The following FBXO32 variants were observed in gnomAD, a reference collection of about 807,000 sequenced individuals.
The protein encoded by FBXO32 is F-box protein 32.
Under a neutral mutation model 48.3 loss-of-function variants are expected in FBXO32, and 15 were observed. The ratio of observed to expected loss-of-function variants is 0.31; its 90% CI spans 0.21 to 0.48. The LOEUF (loss-of-function observed/expected upper bound fraction) is 0.48. FBXO32 is among the 20% of genes least tolerant of loss of function. The probability of loss-of-function intolerance (pLI) is 0.99; values close to 1 mark genes in which losing one functional copy is unlikely to be tolerated. For synonymous variants in FBXO32, 154 were observed against 165.9 expected (o/e 0.93, Z 0.55); for missense variants, 309 against 432.7 (o/e 0.71, Z 2.54).
rs1424340031 is a variant in FBXO32 at position 123,499,237 on chromosome 8, G to A, written c.*4136C>T. The A allele has an allele frequency of 1.3e-5, 2 of 152,172 alleles. No individual in the cohort carries two copies. Among genetic ancestry groups the A allele is most frequent in the Non-Finnish European group, 2.9e-5 (2 of 68,028 alleles). The allele number at this position is 152,172 out of a possible 1,614,324, so 9.4% of individuals were successfully genotyped here. Reference sequence around the variant, plus strand: ...TCCATTCTTTGGAAAACCAAAGATGGTTACTCTTCTTAATGAAACTGAGAA... The same window carrying A: ...TCCATTCTTTGGAAAACCAAAGATGATTACTCTTCTTAATGAAACTGAGAA... On this transcript the variant is annotated 3_prime_UTR_variant, in exon 9 of 9. Coordinates refer to ENST00000517956, the MANE Select transcript of FBXO32 (RefSeq NM_058229.4).
intron 4 of FBXO32, among the ~76,000 whole-genome samples, chr8:123,528,037 G>A (rs1817123251): frequency 6.6e-6 from 1 of 152,186 alleles, no homozygotes; most frequent in Non-Finnish European, 1.5e-5. Context: ...GGGCTCCAAA[G>A]CAGTTTCTGA....
Position 123,501,689 on chromosome 8 carries a change from G to A in FBXO32, c.*1684C>T, listed in dbSNP as rs916027739. The A allele has an allele frequency of 5.3e-5, 8 of 152,070 alleles. No homozygotes were observed. The highest frequency in any genetic ancestry group is 1.7e-4 in the African/African-American group (7 of 41,356). 9.4% of individuals were successfully genotyped at this position (152,070 alleles called of 1,614,324 possible). On this transcript the variant is annotated 3_prime_UTR_variant, in exon 9 of 9. Coordinates refer to ENST00000517956, the MANE Select transcript of FBXO32 (RefSeq NM_058229.4). ...TGTATCATAGCTTGTCTCTTGCCTCGTTTCTCTCCATGCTTAGCCATCTTT... is the reference window on the plus strand; with the variant it reads ...TGTATCATAGCTTGTCTCTTGCCTCATTTCTCTCCATGCTTAGCCATCTTT...
intron 2 of FBXO32, 69 bp from the exon 3 acceptor site, chr8:123,533,309 C>T (rs1322312677): frequency 9.3e-6 from 12 of 1,289,382 alleles, no homozygotes; most frequent in Admixed American, 7.6e-5. Flanking sequence ...CATTTCATTT[C>T]ATTTATTCCA....
rs1158356277 is a variant in FBXO32, at chr8:123,513,163, C to T, written c.651+35G>A. ...CTGTCCAGTATCCCTGTGGAGGGACCCACTGCCGGGAGGAGGCTGGGCCTG... is the reference window on the plus strand; with the variant it reads ...CTGTCCAGTATCCCTGTGGAGGGACTCACTGCCGGGAGGAGGCTGGGCCTG... On this transcript the variant is annotated intron_variant, in intron 6 of 8. Coordinates refer to ENST00000517956, the MANE Select transcript of FBXO32 (RefSeq NM_058229.4). This position sits in a 1 kb window ranked among gnomAD's most constrained non-coding sequence, Gnocchi z 4.3. 6.2e-7 allele frequency: 1 copy of T among 1,610,250 alleles called. No homozygotes were observed. Among genetic ancestry groups the T allele is most frequent in the East Asian group, 2.2e-5 (1 of 44,852 alleles).
intron 3 of FBXO32, 56 bp from the exon 4 acceptor site, chr8:123,532,046 G>GT (rs1033029269): frequency 5.6e-6 from 9 of 1,606,950 alleles, no homozygotes; most frequent in Non-Finnish European, 7.6e-6. Flanking sequence ...GGTCACCCAA[G>GT]TAAGAATGAG....
chr8:123,529,654 T>C (rs1563925956), intron 4 of FBXO32, among the ~76,000 whole-genome samples: 1 of 152,198 alleles, frequency 6.6e-6, no homozygotes, highest in African/African-American at 2.4e-5. Flanking sequence ...ACTGCCCAGA[T>C]TTCAAGTCTT....
chr8:123,525,986 C>T lies in FBXO32; in HGVS notation c.372+5912G>A, dbSNP rs1371512385. ...GATAATATAGCCTCACACTCAAAGC[C>T]TCTTCTCAAGTCTGTCCAATGTCCT... On this transcript the variant is annotated intron_variant, in intron 4 of 8. Transcript: ENST00000517956. The surrounding 1 kb of genome is among the most constrained non-coding windows in gnomAD (Gnocchi z 4.3). 6.6e-6 allele frequency among the ~76,000 whole-genome samples: 1 copy of T among 151,994 alleles called. No individual in the cohort carries two copies. The highest frequency in any genetic ancestry group is 2.4e-5 in the African/African-American group (1 of 41,372).
rs548077194 is a variant in FBXO32, at chr8:123,528,435, C to T, written c.372+3463G>A. Among the ~76,000 whole-genome samples the T allele has an allele frequency of 5.5e-4, 84 of 152,304 alleles. 1 individual carries two copies. The highest frequency in any genetic ancestry group is 2.9e-3 in the Admixed American group (44 of 15,304). Reference sequence around the variant, plus strand: ...AAGGGAATTTCCAAAATGTGTTGGTCTTGAGGTATAGGGTAAACTATGTTT... The same window carrying T: ...AAGGGAATTTCCAAAATGTGTTGGTTTTGAGGTATAGGGTAAACTATGTTT... On this transcript the variant is annotated intron_variant, in intron 4 of 8. Transcript: ENST00000517956.
intron 2 of FBXO32, among the ~76,000 whole-genome samples, chr8:123,534,122 C>CAAAA (rs74355915): frequency 8.3e-5 from 11 of 132,694 alleles, no homozygotes; most frequent in African/African-American, 2.2e-4. Context: ...CAAAAAACAC[C>CAAAA]AAAAAAAAAA....
intron 4 of FBXO32, among the ~76,000 whole-genome samples, chr8:123,515,709 A>G (rs1208602590): frequency 6.6e-6 from 1 of 150,744 alleles, no homozygotes; most frequent in East Asian, 1.9e-4. Flanking sequence ...AAAAACAAAT[A>G]AAGGCCAGGT....
chr8:123,527,589 G>A (rs189253271), intron 4 of FBXO32, among the ~76,000 whole-genome samples: 7 of 152,206 alleles, frequency 4.6e-5, no homozygotes, highest in Non-Finnish European at 1.0e-4. Context: ...TTGCAAATAG[G>A]CTAATCTCTG....
intron 6 of FBXO32, among the ~76,000 whole-genome samples, chr8:123,507,221 A>G (rs1816644098): frequency 6.6e-6 from 1 of 152,224 alleles, no homozygotes; most frequent in Non-Finnish European, 1.5e-5. Flanking sequence ...TTTGTCATGC[A>G]ACATGAGCTT....
intron 1 of FBXO32, among the ~76,000 whole-genome samples, chr8:123,535,675 T>C (rs898449074): frequency 2.0e-5 from 3 of 152,152 alleles, no homozygotes; most frequent in African/African-American, 7.2e-5. Context: ...TACTATACAA[T>C]GTAACTTCAA....
chr8:123,518,346 T>C (rs1461498739), intron 4 of FBXO32, among the ~76,000 whole-genome samples: 3 of 152,194 alleles, frequency 2.0e-5, no homozygotes, highest in Non-Finnish European at 2.9e-5. Context: ...CATTACCAAG[T>C]AAAATTATTG....
chr8:123,537,705 C>T (rs926624538), intron 1 of FBXO32, among the ~76,000 whole-genome samples: 1 of 152,202 alleles, frequency 6.6e-6, no homozygotes, highest in Non-Finnish European at 1.5e-5. Flanking sequence ...AACAAACAGC[C>T]TAGTGTATAA....
rs1464305428 is a variant in FBXO32 at position 123,499,892 on chromosome 8, G to C, written c.*3481C>G. ...CCGCTACCTTACTGCCCAAGTGCTA[G>C]TAGAACCTGCTCTAGTGTTCAGAGT... On this transcript the variant is annotated 3_prime_UTR_variant, in exon 9 of 9. Coordinates refer to ENST00000517956, the MANE Select transcript of FBXO32 (RefSeq NM_058229.4). The C allele has an allele frequency of 6.6e-6, 1 of 152,228 alleles. No homozygotes were observed. The highest frequency in any genetic ancestry group is 1.5e-5 in the Non-Finnish European group (1 of 68,052). 9.4% of individuals were successfully genotyped at this position (152,228 alleles called of 1,614,324 possible). A position where few individuals can be genotyped will look rare whatever the true frequency, so the allele number is the denominator to read the frequency against.
chr8:123,519,397 A>T (rs1253262969), intron 4 of FBXO32, among the ~76,000 whole-genome samples: 1 of 151,666 alleles, frequency 6.6e-6, no homozygotes, highest in Non-Finnish European at 1.5e-5. Flanking sequence ...TAAAAATACA[A>T]AAAATTAGCC....
rs1015636181 is a variant in FBXO32, at chr8:123,499,074, C to G, written c.*4299G>C. On this transcript the variant is annotated 3_prime_UTR_variant, in exon 9 of 9. Coordinates refer to ENST00000517956, the MANE Select transcript of FBXO32 (RefSeq NM_058229.4). ...GTGGAGGGCTGGGGGCATAGAAGGT[C>G]AGGCCTCAGGAGGCCTCAAGTTCGC... 1.2e-4 allele frequency: 19 copies of G among 152,226 alleles called. No individual in the cohort carries two copies. Among genetic ancestry groups the G allele is most frequent in the Non-Finnish European group, 2.2e-4 (15 of 68,050 alleles). The allele number at this position is 152,226 out of a possible 1,614,324, so 9.4% of individuals were successfully genotyped here. A position where few individuals can be genotyped will look rare whatever the true frequency, so the allele number is the denominator to read the frequency against.
chr8:123,521,383 A>G (rs1384673979), intron 4 of FBXO32, among the ~76,000 whole-genome samples: 1 of 152,262 alleles, frequency 6.6e-6, no homozygotes, highest in Non-Finnish European at 1.5e-5. Flanking sequence ...TGACACATCA[A>G]GGTCAATGGT....
Sources: gnomAD v4.1 joint callset for allele counts (sites outside exome capture counted in the v4.1 genomes callset) on GRCh38, gnomAD v4.1.1 for gene constraint, Gnocchi (gnomAD v3.1) non-coding constraint, MANE v1.5 for transcripts, NCBI Gene and HGNC (gene_info 2026-07-23, HGNC 2026-07-21) for gene names.